CAMK2A: variants seen among roughly 807,000 people sequenced by gnomAD.
The protein encoded by CAMK2A is calcium/calmodulin dependent protein kinase II alpha.
CAMK2A carries 7 observed loss-of-function variants against 79.2 expected under a neutral mutation model. The observed-to-expected ratio is 0.09, with a 90% CI of 0.05 to 0.17. The LOEUF is 0.17. Ranked by LOEUF, CAMK2A falls within the 10% of genes least tolerant of loss-of-function variation. The probability of loss-of-function intolerance (pLI) is 1.00; values close to 1 mark genes in which losing one functional copy is unlikely to be tolerated. For synonymous variants in CAMK2A, 242 were observed against 251.7 expected, an observed-to-expected ratio of 0.96 and a Z score of 0.36; for missense variants, 214 against 646.4, an observed-to-expected ratio of 0.33 and a Z score of 7.25.
At position 150,284,804 on chromosome 5, in the gene CAMK2A, G is replaced by T. The variant is rs1417229621; in HGVS notation, c.62+4760C>A. ...TTCTCTCTGAGTGTTGGCTCCCAGA[G>T]ACCAAGGCAAGGACCATCTATGCAA... On this transcript the variant is annotated intron_variant, in intron 1 of 18. Coordinates refer to ENST00000671881, the MANE Select transcript of CAMK2A (RefSeq NM_015981.4). The surrounding 1 kb of genome is among the most constrained non-coding windows in gnomAD (Gnocchi z 5.3). 2.0e-5 allele frequency among the ~76,000 whole-genome samples: 3 copies of T among 152,156 alleles called. No homozygotes were observed. Among genetic ancestry groups the T allele is most frequent in the African/African-American group, 4.8e-5 (2 of 41,440 alleles).
At chr5:150,255,455 T>C (rs1469687735) in intron 6 of CAMK2A, among the ~76,000 whole-genome samples, 1 of 152,196 alleles carries the variant, frequency 6.6e-6, no homozygotes, top group African/African-American at 2.4e-5. Context: ...AAAATCACAC[T>C]CCGGGAGGAC....
At chr5:150,265,234 C>T (rs146451218) in intron 2 of CAMK2A, 15 of 545,466 alleles carry the variant, frequency 2.7e-5, no homozygotes, top group East Asian at 1.3e-4. Flanking sequence ...GCACATCCCT[C>T]GCCCTCTCTG....
chr5:150,289,497 C>T, intron 1 of CAMK2A, 67 bp downstream of exon 1: 1 of 1,229,316 alleles, frequency 8.1e-7, no homozygotes, highest in Non-Finnish European at 1.2e-6. Context: ...CAGGCACACA[C>T]ACCCCACTAG....
intron 10 of CAMK2A, 64 bp downstream of exon 10, chr5:150,250,624 G>A: frequency 6.3e-7 from 1 of 1,598,468 alleles, no homozygotes; most frequent in Non-Finnish European, 8.6e-7. Flanking sequence ...CCAGAACTCT[G>A]TGGGGGCCTG....
intron 1 of CAMK2A, among the ~76,000 whole-genome samples, chr5:150,281,328 G>C (rs765292794): frequency 2.0e-5 from 3 of 152,250 alleles, no homozygotes; most frequent in Non-Finnish European, 4.4e-5. Context: ...TTGGTGGTCA[G>C]TAACACATAG....
Position 150,247,773 on chromosome 5 carries a change from G to A in CAMK2A, c.942C>T (p.Ser314=), listed in dbSNP as rs753413943. The change falls in exon 12 of 19, where the codon TCC becomes TCT. Residue 314 remains serine (S), a splice_region_variant and synonymous_variant. Transcript: ENST00000671881. The part of the protein sequence containing the change: ...LTTMLATRNF[S]GGKSGGNKKS... ...GGACCCTGAGGTCCTGCCACCTACCGGAGAAGTTCCTGGTGGCCAGCATCG... is the reference window on the plus strand; with the variant it reads ...GGACCCTGAGGTCCTGCCACCTACCAGAGAAGTTCCTGGTGGCCAGCATCG... The A allele has an allele frequency of 1.6e-5, 25 of 1,610,902 alleles. No homozygotes were observed. Among genetic ancestry groups the A allele is most frequent in the Admixed American group, 3.3e-5 (2 of 59,724 alleles).
At chr5:150,231,249 G>A in intron 16 of CAMK2A, 56 bp downstream of exon 16, 6 of 1,018,180 alleles carry the variant, frequency 5.9e-6, no homozygotes, top group Non-Finnish European at 7.4e-6. Context: ...TTAGCCATTG[G>A]TACCCCCTGA....
At chr5:150,233,841 C>A (rs1562141553) in intron 15 of CAMK2A, among the ~76,000 whole-genome samples, 1 of 152,142 alleles carries the variant, frequency 6.6e-6, no homozygotes, top group Non-Finnish European at 1.5e-5. Context: ...GAGATGGGGT[C>A]TCTCTGCATT....
chr5:150,249,565 T>C (rs1580921166), intron 11 of CAMK2A, among the ~76,000 whole-genome samples: 1 of 133,230 alleles, frequency 7.5e-6, no homozygotes, highest in African/African-American at 2.9e-5. Context: ...TTTTTTTTTT[T>C]TGAGACAGAG....
intron 2 of CAMK2A, among the ~76,000 whole-genome samples, chr5:150,265,928 T>A: frequency 1.4e-5 from 2 of 145,210 alleles, no homozygotes. Flanking sequence ...GAGCGAGACT[T>A]CATCTCAAAA....
intron 1 of CAMK2A, 118 bp from the exon 2 acceptor site, chr5:150,273,277 C>T: frequency 1.3e-6 from 1 of 743,940 alleles, no homozygotes; most frequent in Non-Finnish European, 2.3e-6. Flanking sequence ...CAGAGCTGCT[C>T]AAGCTCACAG....
intron 4 of CAMK2A, among the ~76,000 whole-genome samples, chr5:150,257,180 G>A (rs962457485): frequency 6.6e-6 from 1 of 152,182 alleles, no homozygotes; most frequent in Non-Finnish European, 1.5e-5. Context: ...TTTTATCGAT[G>A]AGACTGGCCC....
chr5:150,258,093 C>T (rs932729042), intron 3 of CAMK2A, among the ~76,000 whole-genome samples: 1 of 152,208 alleles, frequency 6.6e-6, no homozygotes, highest in Non-Finnish European at 1.5e-5. Flanking sequence ...CTCAGTGCTG[C>T]CTGAGCTAAT....
intron 1 of CAMK2A, among the ~76,000 whole-genome samples, chr5:150,287,881 G>A (rs553246216): frequency 5.9e-5 from 9 of 151,738 alleles, no homozygotes; most frequent in East Asian, 1.9e-4. Flanking sequence ...GTGAACACAC[G>A]TACACATGGG....
At chr5:150,258,645 G>A (rs917240844) in intron 3 of CAMK2A, among the ~76,000 whole-genome samples, 4 of 152,264 alleles carry the variant, frequency 2.6e-5, no homozygotes, top group Non-Finnish European at 5.9e-5. Flanking sequence ...CCTCTGGGGA[G>A]GGGAATTGGG....
Position 150,267,673 on chromosome 5 carries a change from C to T in CAMK2A, c.158-2658G>A, listed in dbSNP as rs139878692. 4.7e-4 allele frequency among the ~76,000 whole-genome samples: 72 copies of T among 152,204 alleles called. 1 individual carries two copies. The highest frequency in any genetic ancestry group is 1.6e-3 in the African/African-American group (66 of 41,542). On this transcript the variant is annotated intron_variant, in intron 2 of 18. Transcript: ENST00000671881. ...TGCAGTGTTTTCATTTTCCAATATA[C>T]AGAGAACCTTAAGACATGTAGGGAC...
At chr5:150,263,054 G>A (rs1756361490) in intron 3 of CAMK2A, among the ~76,000 whole-genome samples, 1 of 152,172 alleles carries the variant, frequency 6.6e-6, no homozygotes, top group Non-Finnish European at 1.5e-5. Flanking sequence ...GCAGCTTAAT[G>A]ATAATGACTG....
rs1273529401 is a variant in CAMK2A, at chr5:150,273,153, G to C, written c.69C>G (p.Ala23=). 8 of 1,612,924 alleles carry C rather than the reference G, an allele frequency of 5.0e-6. No homozygotes were observed. Among genetic ancestry groups the C allele is most frequent in the Non-Finnish European group, 6.8e-6 (8 of 1,179,502 alleles). ...TCACACACCTTCGCACCACCGAGAAGGCTCCCCTAGGAGGACAGAGAAGGT... is the reference window on the plus strand; with the variant it reads ...TCACACACCTTCGCACCACCGAGAACGCTCCCCTAGGAGGACAGAGAAGGT... ...YQLFEELGKG[A]FSVVRRCVKV... Residue 23 remains alanine (A), a synonymous_variant, in exon 2 of 19, where the codon GCC becomes GCG. Coordinates refer to ENST00000671881, the MANE Select transcript of CAMK2A (RefSeq NM_015981.4).
chr5:150,281,376 C>A (rs1757208932), intron 1 of CAMK2A, among the ~76,000 whole-genome samples: 1 of 152,180 alleles, frequency 6.6e-6, no homozygotes, highest in Non-Finnish European at 1.5e-5. Context: ...GACGTGGAAC[C>A]CAGAATAGAG....
Sources: gnomAD v4.1 joint callset for allele counts (sites outside exome capture counted in the v4.1 genomes callset) on GRCh38, gnomAD v4.1.1 for gene constraint, Gnocchi (gnomAD v3.1) non-coding constraint, MANE v1.5 for transcripts, NCBI Gene and HGNC (gene_info 2026-07-23, HGNC 2026-07-21) for gene names.